MAGI2: variants seen among roughly 807,000 people sequenced by gnomAD.
MAGI2 encodes the protein membrane-associated guanylate kinase, WW and PDZ domain-containing protein 2.
MAGI2 carries 35 observed loss-of-function variants against 133.3 expected under a neutral mutation model. The ratio of observed to expected loss-of-function variants is 0.26; its 90% CI spans 0.20 to 0.35. MAGI2 has a LOEUF of 0.35. MAGI2 is among the 10% of genes least tolerant of loss of function. The pLI is 1.00. For synonymous variants in MAGI2, 729 were observed against 710.6 expected, an observed-to-expected ratio of 1.03 and a Z score of -0.41; for missense variants, 1,636 against 1,863.4, an observed-to-expected ratio of 0.88 and a Z score of 2.25.
At chr7:78,994,482 C>A (rs1033121191) in intron 2 of MAGI2, among the ~76,000 whole-genome samples, 1 of 152,006 alleles carries the variant, frequency 6.6e-6, no homozygotes, top group African/African-American at 2.4e-5. Flanking sequence ...TTTTTCCCTG[C>A]TTTTGTGGAA....
chr7:78,315,987 G>A (rs899097930), intron 9 of MAGI2, among the ~76,000 whole-genome samples: 6 of 152,010 alleles, frequency 3.9e-5, no homozygotes, highest in Non-Finnish European at 8.8e-5. Flanking sequence ...TGGAAGATTT[G>A]CCATTTTCTC....
At chr7:79,168,899 T>TATAG (rs1554392985) in intron 1 of MAGI2, among the ~76,000 whole-genome samples, 9 of 8,262 alleles carry the variant, frequency 1.1e-3, no homozygotes, top group African/African-American at 1.7e-3. Flanking sequence ...GATATATATA[T>TATAG]ATATATATAT....
At chr7:79,066,698 A>G (rs1386524360) in intron 1 of MAGI2, among the ~76,000 whole-genome samples, 1 of 151,882 alleles carries the variant, frequency 6.6e-6, no homozygotes, top group Non-Finnish European at 1.5e-5. Context: ...GTATGTCCTG[A>G]ATGGTATTGC....
chr7:79,214,407 C>CTCTCTCTCTCTCTCTATA, intron 1 of MAGI2, among the ~76,000 whole-genome samples: 1 of 17,718 alleles, frequency 5.6e-5, no homozygotes, highest in Admixed American at 1.2e-3. Context: ...CTCTCTCTCT[C>CTCTCTCTCTCTCTCTATA]TATATATATA....
chr7:78,699,955 A>G (rs952014469), intron 2 of MAGI2, among the ~76,000 whole-genome samples: 1 of 152,190 alleles, frequency 6.6e-6, no homozygotes, highest in East Asian at 1.9e-4. Context: ...ACTATGAAAT[A>G]AAAACCATGA....
chr7:78,255,745 T>C (rs1390250507), intron 10 of MAGI2, 198 bp downstream of exon 10: 7 of 649,066 alleles, frequency 1.1e-5, no homozygotes, highest in African/African-American at 5.5e-5. Context: ...TTGTGTTTAA[T>C]ACAAAATAGA....
chr7:79,086,959 G>T (rs1371700214), intron 1 of MAGI2, among the ~76,000 whole-genome samples: 1 of 151,510 alleles, frequency 6.6e-6, no homozygotes, highest in Non-Finnish European at 1.5e-5. Flanking sequence ...ATTTATTAAG[G>T]CACTTGACAA....
intron 2 of MAGI2, among the ~76,000 whole-genome samples, chr7:78,711,275 A>C (rs1215320945): frequency 6.6e-6 from 1 of 152,190 alleles, no homozygotes; most frequent in Non-Finnish European, 1.5e-5. Flanking sequence ...AGAGGTGTCA[A>C]AGACAAGCAA....
intron 1 of MAGI2, among the ~76,000 whole-genome samples, chr7:79,091,952 T>C (rs1407155273): frequency 3.3e-5 from 5 of 151,992 alleles, no homozygotes; most frequent in Non-Finnish European, 7.4e-5. Flanking sequence ...TCATGGACCA[T>C]AGTTTGCTGA....
chr7:78,694,514 A>G (rs12531547), intron 2 of MAGI2, among the ~76,000 whole-genome samples: 7,845 of 152,252 alleles, frequency 0.052, 282 homozygotes, highest in Non-Finnish European at 0.077. Flanking sequence ...CAGTACACAC[A>G]TACACACTCA....
At chr7:78,046,761 T>G (rs17160663) in intron 21 of MAGI2, among the ~76,000 whole-genome samples, 10,250 of 152,228 alleles carry the variant, frequency 0.067, 347 homozygotes, top group East Asian at 0.077. Context: ...TATTTGCAGA[T>G]CAGGGAAGAA....
At chr7:78,028,548 A>G (rs1372409366) in intron 21 of MAGI2, among the ~76,000 whole-genome samples, 1 of 152,182 alleles carries the variant, frequency 6.6e-6, no homozygotes, top group East Asian at 1.9e-4. Flanking sequence ...TCCTCCTAAC[A>G]GTTCAAAGAA....
intron 2 of MAGI2, among the ~76,000 whole-genome samples, chr7:78,739,508 T>G (rs1479198390): frequency 1.3e-5 from 2 of 152,122 alleles, no homozygotes; most frequent in African/African-American, 4.8e-5. Flanking sequence ...TGAAACCAGA[T>G]AGATCAACAG....
chr7:78,928,402 T>C (rs530662533), intron 2 of MAGI2, among the ~76,000 whole-genome samples: 113 of 151,182 alleles, frequency 7.5e-4, no homozygotes, highest in African/African-American at 2.6e-3. Flanking sequence ...CAGACACTAA[T>C]TAATTAAAAA....
At chr7:78,415,646 C>T (rs764333339) in intron 6 of MAGI2, among the ~76,000 whole-genome samples, 4 of 151,996 alleles carry the variant, frequency 2.6e-5, no homozygotes, top group Non-Finnish European at 5.9e-5. Flanking sequence ...TCAAGCCATC[C>T]CCAAGCACCA....
chr7:78,759,938 C>T (rs1011547403), intron 2 of MAGI2, among the ~76,000 whole-genome samples: 4 of 151,936 alleles, frequency 2.6e-5, no homozygotes, highest in African/African-American at 9.7e-5. Flanking sequence ...CCAGCCCGGC[C>T]AATATGTCTC....
At chr7:78,082,413 C>A in intron 20 of MAGI2, among the ~76,000 whole-genome samples, 1 of 152,186 alleles carries the variant, frequency 6.6e-6, no homozygotes, top group South Asian at 2.1e-4. Flanking sequence ...AATGAGGCTC[C>A]GGGAAGTCAG....
At chr7:78,238,100 T>C (rs1223651304) in intron 10 of MAGI2, among the ~76,000 whole-genome samples, 1 of 152,126 alleles carries the variant, frequency 6.6e-6, no homozygotes, top group Admixed American at 6.6e-5. Flanking sequence ...TCCTCACAAG[T>C]TATGTGTTTT....
intron 1 of MAGI2, among the ~76,000 whole-genome samples, chr7:79,015,232 A>T (rs932667849): frequency 1.1e-4 from 17 of 152,132 alleles, no homozygotes; most frequent in African/African-American, 3.9e-4. Context: ...AGGCAGGAGG[A>T]TCACTTGAGG....
Sources: gnomAD v4.1 joint callset for allele counts (sites outside exome capture counted in the v4.1 genomes callset) on GRCh38, gnomAD v4.1.1 for gene constraint, MANE v1.5 for transcripts, NCBI Gene and HGNC (gene_info 2026-07-23, HGNC 2026-07-21) for gene names.